Variants in ASPHD2 observed in about 807,000 individuals in gnomAD.
ASPHD2 encodes aspartate beta-hydroxylase domain-containing protein 2.
In ASPHD2, 12 loss-of-function variants were observed where a neutral mutation model predicts 34.6. The ratio of observed to expected loss-of-function variants is 0.35; its 90% CI spans 0.22 to 0.56. The LOEUF is 0.56. ASPHD2 is among the 20% of genes least tolerant of loss of function. The pLI is 0.87. For synonymous variants in ASPHD2, 224 were observed against 212.2 expected (o/e 1.06, Z -0.48); for missense variants, 375 against 505.0 (o/e 0.74, Z 2.47).
At chr22:26,430,495 A>T (rs778130757) in intron 1 of ASPHD2, among the ~76,000 whole-genome samples, 3 of 152,214 alleles carry the variant, frequency 2.0e-5, no homozygotes, top group Non-Finnish European at 4.4e-5. Context: ...AACACAGATG[A>T]CAATGAACAG....
rs369641658 is a variant in ASPHD2, at chr22:26,434,035, C to T, written c.420C>T (p.Ser140=). The stretch of plus-strand genomic sequence containing the variant: ...AGTACGCCAAGCGCTACTCCTGGTC[C>T]GGCATGGGCCGCATCCACAAGGGCA... ...LQEYAKRYSW[S]GMGRIHKGIR... is the part of the protein sequence containing the mutation. The change falls in exon 2 of 4, where the codon TCC becomes TCT. Residue 140 remains serine, a synonymous_variant. Coordinates refer to ENST00000215906, the MANE Select transcript of ASPHD2 (RefSeq NM_020437.5). 9.3e-6 allele frequency: 15 copies of T among 1,613,246 alleles called. No homozygotes were observed. Among genetic ancestry groups the T allele is most frequent in the South Asian group, 4.4e-5 (4 of 91,080 alleles).
Position 26,442,498 on chromosome 22 carries a change from G to C in ASPHD2, c.926G>C (p.Gly309Ala), listed in dbSNP as rs545829890. The change falls in exon 3 of 4, where the codon GGA (glycine) becomes GCA (alanine). Residue 309 changes from glycine to alanine, a missense_variant. Physicochemically the swap from Gly to Ala is moderately conservative, Grantham distance 60. Transcript: ENST00000215906. ...AATGGCTGTGAGCTGGTGGTGGGGG[G>C]AGAGCCCCAGTGCTGGGCAGAAGGG... ...TPNGCELVVG[G>A]EPQCWAEGRC... 2 of 1,609,520 alleles carry C rather than the reference G, an allele frequency of 1.2e-6. No homozygotes were observed. The highest frequency in any genetic ancestry group is 2.2e-5 in the East Asian group (1 of 44,604).
In ASPHD2 at chr22:26,443,482, G is replaced by A; in HGVS notation, c.*276G>A. On this transcript the variant is annotated 3_prime_UTR_variant, in exon 4 of 4. Coordinates refer to ENST00000215906, the MANE Select transcript of ASPHD2 (RefSeq NM_020437.5). ...GCCTAACAGCGCATTCCTTTGATTG[G>A]TCCTTGAGTGACCAGAGACTTAGTG... is the stretch of plus-strand genomic sequence containing the variant. The A allele has an allele frequency of 2.9e-6, 1 of 342,414 alleles. No individual in the cohort carries two copies. Among genetic ancestry groups the A allele is most frequent in the Non-Finnish European group, 5.4e-6 (1 of 184,984 alleles). 21.2% of individuals were successfully genotyped at this position (342,414 alleles called of 1,614,324 possible). A position where few individuals can be genotyped will look rare whatever the true frequency, so the allele number is the denominator to read the frequency against.
chr22:26,442,683 T>C (rs1168205461), intron 3 of ASPHD2, 111 bp downstream of exon 3: 7 of 765,226 alleles, frequency 9.1e-6, no homozygotes, highest in Non-Finnish European at 1.5e-5. Flanking sequence ...GGAGGCCCCT[T>C]CATATCACCC....
chr22:26,443,246 C>T lies in ASPHD2; in HGVS notation c.*40C>T, dbSNP rs888565479. 1.0e-5 allele frequency: 16 copies of T among 1,562,832 alleles called. No individual in the cohort carries two copies. Among genetic ancestry groups the T allele is most frequent in the East Asian group, 2.2e-5 (1 of 44,640 alleles). ...CTGGAGTCGGCGAGAAGGGCCGAGG[C>T]GGGGCCTGGGCAGACTGTGGTCCGG... On this transcript the variant is annotated 3_prime_UTR_variant, in exon 4 of 4. Transcript: ENST00000215906.
At chr22:26,430,743 T>G (rs2084751467) in intron 1 of ASPHD2, among the ~76,000 whole-genome samples, 1 of 152,214 alleles carries the variant, frequency 6.6e-6, no homozygotes, top group South Asian at 2.1e-4. Flanking sequence ...GTTGGCATAT[T>G]TTGGCTAAAA....
At chr22:26,436,491 C>T (rs1353567299) in intron 2 of ASPHD2, among the ~76,000 whole-genome samples, 2 of 152,062 alleles carry the variant, frequency 1.3e-5, no homozygotes, top group East Asian at 1.9e-4. Context: ...CAGGGTGGAG[C>T]GAGGGAGCGG....
chr22:26,443,345 T>C lies in ASPHD2; in HGVS notation c.*139T>C, dbSNP rs143945741. On this transcript the variant is annotated 3_prime_UTR_variant, in exon 4 of 4. Transcript: ENST00000215906. ...GAAAGCTCTTATTTGGGATTTTATA[T>C]CATGTCGGGTCCCTCTTTCCCTTGG... 2.1e-4 allele frequency: 139 copies of C among 665,844 alleles called. No individual in the cohort carries two copies. In the African/African-American group the frequency reaches 2.2e-3, roughly 11 times the overall value. The allele number at this position is 665,844 out of a possible 1,614,324, so 41.2% of individuals were successfully genotyped here.
At position 26,442,052 on chromosome 22, in the gene ASPHD2, G is replaced by A. The variant is rs534628698; in HGVS notation, c.887-407G>A. ...ACCTGGGAGGTGGAGGTTGCGGTGA[G>A]CCGAGATCACACCACTGCATTCCAG... On this transcript the variant is annotated intron_variant, in intron 2 of 3. Transcript: ENST00000215906. Among the ~76,000 whole-genome samples the A allele has an allele frequency of 3.5e-5, 5 of 144,150 alleles. No homozygotes were observed. The East Asian group carries it at 1.0e-3, about 30-fold the overall frequency. 94.6% of individuals were successfully genotyped at this position (144,150 alleles called of 152,430 possible). A position where few individuals can be genotyped will look rare whatever the true frequency, so the allele number is the denominator to read the frequency against.
chr22:26,442,414 G>T, intron 2 of ASPHD2, 45 bp from the exon 3 acceptor site: 1 of 1,450,066 alleles, frequency 6.9e-7, no homozygotes, highest in Non-Finnish European at 9.4e-7. Context: ...GGCCTTCCCT[G>T]AATCTTGCCT....
Position 26,433,842 on chromosome 22 carries a change from A to G in ASPHD2, c.227A>G (p.Tyr76Cys). 2 of 1,613,988 alleles carry G rather than the reference A, an allele frequency of 1.2e-6. No individual in the cohort carries two copies. The highest frequency in any genetic ancestry group is 1.7e-6 in the Non-Finnish European group (2 of 1,180,026). Residue 76 changes from tyrosine (Y) to cysteine (C), a missense_variant, in exon 2 of 4, where the codon TAT becomes TGT. Coordinates refer to ENST00000215906, the MANE Select transcript of ASPHD2 (RefSeq NM_020437.5). The surrounding 1 kb of genome is among the most constrained non-coding windows in gnomAD (Gnocchi z 5.1). Reference sequence around the variant, plus strand: ...CTGGTCCTCTTCGTGTGGTACTGTTATCACGTGGGCAGGGAGCAGCCCCGG... The same window carrying G: ...CTGGTCCTCTTCGTGTGGTACTGTTGTCACGTGGGCAGGGAGCAGCCCCGG... ...CLLVLFVWYC[Y>C]HVGREQPRPY... is the part of the protein sequence containing the mutation.
At position 26,434,134 on chromosome 22, in the gene ASPHD2, G is replaced by A; in HGVS notation, c.519G>A (p.Leu173=). 6.2e-7 allele frequency: 1 copy of A among 1,611,520 alleles called. No individual in the cohort carries two copies. The highest frequency in any genetic ancestry group is 2.2e-5 in the East Asian group (1 of 44,868). The change falls in exon 2 of 4, where the codon CTG becomes CTA. Residue 173 remains leucine, a synonymous_variant. Coordinates refer to ENST00000215906, the MANE Select transcript of ASPHD2 (RefSeq NM_020437.5). ...CCGAGGTCTTCTTCCTGCCCGACCT[G>A]CCCACCACGCCCTATTTCTCCCGGG... ...QKPEVFFLPD[L]PTTPYFSRDA...
Position 26,444,113 on chromosome 22 carries a change from A to AG in ASPHD2, c.*912dup, listed in dbSNP as rs1305828891. On this transcript the variant is annotated 3_prime_UTR_variant, in exon 4 of 4. Transcript: ENST00000215906. Reference sequence around the variant, plus strand: ...CACCAGGTTGGCTGATAGGAGCTGTAGGGGGATAGGACCGCGCTCACCCAG... The same window carrying AG: ...CACCAGGTTGGCTGATAGGAGCTGTAGGGGGGATAGGACCGCGCTCACCCAG... 1 of 152,204 alleles carries AG rather than the reference A, an allele frequency of 6.6e-6. No homozygotes were observed. The highest frequency in any genetic ancestry group is 2.4e-5 in the African/African-American group (1 of 41,450). 9.4% of individuals were successfully genotyped at this position (152,204 alleles called of 1,614,324 possible).
In ASPHD2 at chr22:26,443,087, T is replaced by C. The variant is rs1568986030; in HGVS notation, c.1001-10T>C. ...TTGAACCTGTCCTCTCACCCCTCCT[T>C]CCCCCCCAGGTTCAGCAGAGGATGG... On this transcript the variant is annotated splice_polypyrimidine_tract_variant and intron_variant, in intron 3 of 3. Transcript: ENST00000215906. The C allele has an allele frequency of 1.0e-5, 16 of 1,605,882 alleles. No homozygotes were observed. The highest frequency in any genetic ancestry group is 1.4e-5 in the Non-Finnish European group (16 of 1,172,952).
intron 2 of ASPHD2, among the ~76,000 whole-genome samples, chr22:26,440,458 AGTAGCTGGGATTACAGGC>A (rs1164799541): frequency 1.3e-5 from 2 of 151,988 alleles, no homozygotes; most frequent in African/African-American, 4.8e-5. Flanking sequence ...CAGCCTCCCG[AGTAGCTGGGATTACAGGC>A]GTCTGCCACC....
In ASPHD2 at chr22:26,443,105, G is replaced by C. The variant is rs141465218; in HGVS notation, c.1009G>C (p.Glu337Gln). Residue 337 changes from glutamate to glutamine, a missense_variant, in exon 4 of 4, where the codon GAG (glutamate) becomes CAG (glutamine). Physicochemically the swap from Glu to Gln is conservative, Grantham distance 29. Around this residue, in one of 3 missense-constraint regions of ASPHD2, gnomAD observed 142 missense variants for 217.9 expected, o/e 0.65. Transcript: ENST00000215906. ...LHAAFHEGSA[E>Q]DGPRVVFMVD... is the part of the protein sequence containing the mutation. ...CCCTCCTTCCCCCCCAGGTTCAGCA[G>C]AGGATGGCCCACGGGTGGTTTTCAT... The C allele has an allele frequency of 1.5e-4, 245 of 1,613,962 alleles. No individual in the cohort carries two copies. Among genetic ancestry groups the C allele is most frequent in the Admixed American group, 5.2e-4 (31 of 60,004 alleles).
intron 2 of ASPHD2, among the ~76,000 whole-genome samples, chr22:26,441,525 C>T (rs1347434743): frequency 1.4e-5 from 2 of 145,312 alleles, no homozygotes; most frequent in Non-Finnish European, 3.0e-5. Flanking sequence ...TGCTGTGGCT[C>T]ATGCCTGTAA....
At chr22:26,441,414 G>T (rs558431558) in intron 2 of ASPHD2, among the ~76,000 whole-genome samples, 1 of 149,982 alleles carries the variant, frequency 6.7e-6, no homozygotes, top group South Asian at 2.1e-4. Flanking sequence ...GGAGGTGAAG[G>T]CTGCAGTGAA....
intron 2 of ASPHD2, among the ~76,000 whole-genome samples, chr22:26,439,345 G>C (rs895976257): frequency 2.0e-5 from 3 of 152,168 alleles, no homozygotes; most frequent in Non-Finnish European, 4.4e-5. Flanking sequence ...GCTGCAGTGA[G>C]CTGAGATCAT....
Sources: gnomAD v4.1 joint callset for allele counts (sites outside exome capture counted in the v4.1 genomes callset) on GRCh38, gnomAD v4.1.1 for gene constraint, gnomAD v4.1.1 regional missense constraint, Gnocchi (gnomAD v3.1) non-coding constraint, MANE v1.5 for transcripts, NCBI Gene and HGNC (gene_info 2026-07-23, HGNC 2026-07-21) for gene names.